The following B3GALT1 variants were observed in gnomAD, a reference collection of about 807,000 sequenced individuals.
The protein encoded by B3GALT1 is UDP-Gal:betaGlcNAc beta 1,3-galactosyltransferase, polypeptide 1.
A neutral mutation model predicts 23.2 loss-of-function variants in B3GALT1; 10 were observed. That is an observed-to-expected ratio of 0.43 (90% CI 0.27 to 0.73). The LOEUF (loss-of-function observed/expected upper bound fraction) is 0.73. B3GALT1 is among the 30% of genes least tolerant of loss of function. The pLI, the probability that B3GALT1 is intolerant of heterozygous loss-of-function variation, is 0.21. For synonymous variants in B3GALT1, 156 were observed against 141.5 expected (o/e 1.10, Z -0.73); for missense variants, 299 against 405.4 (o/e 0.74, Z 2.25).
chr2:167,838,774 C>T (rs1689555921), intron 4 of B3GALT1, among the ~76,000 whole-genome samples: 1 of 152,220 alleles, frequency 6.6e-6, no homozygotes, highest in Admixed American at 6.5e-5. Context: ...TGCAAAAATC[C>T]TCAATAAAAT....
At chr2:167,469,767 A>G (rs1426659235) in intron 1 of B3GALT1, among the ~76,000 whole-genome samples, 2 of 152,186 alleles carry the variant, frequency 1.3e-5, no homozygotes, top group African/African-American at 2.4e-5. Flanking sequence ...ATTATCATTC[A>G]TGTCTTTAGG....
At chr2:167,444,522 T>C (rs928697062) in intron 1 of B3GALT1, among the ~76,000 whole-genome samples, 1 of 152,220 alleles carries the variant, frequency 6.6e-6, no homozygotes, top group Admixed American at 6.5e-5. Flanking sequence ...TGGTAGACTA[T>C]TAATTATTGC....
At chr2:167,834,245 C>T (rs1689411836) in intron 4 of B3GALT1, among the ~76,000 whole-genome samples, 1 of 152,132 alleles carries the variant, frequency 6.6e-6, no homozygotes, top group African/African-American at 2.4e-5. Flanking sequence ...ATGTAACAGT[C>T]TTCTGTATAA....
intron 2 of B3GALT1, among the ~76,000 whole-genome samples, chr2:167,640,733 G>A (rs1685638231): frequency 6.6e-6 from 1 of 152,040 alleles, no homozygotes. Flanking sequence ...GAAAATTCTT[G>A]ACTTCTGGCT....
chr2:167,646,616 C>A (rs918373837), intron 2 of B3GALT1, among the ~76,000 whole-genome samples: 1 of 152,154 alleles, frequency 6.6e-6, no homozygotes, highest in Admixed American at 6.5e-5. Context: ...TGTAAAAATG[C>A]ATCTAGCAAA....
At chr2:167,551,839 G>C (rs1683753520) in intron 2 of B3GALT1, among the ~76,000 whole-genome samples, 1 of 152,126 alleles carries the variant, frequency 6.6e-6, no homozygotes, top group Non-Finnish European at 1.5e-5. Flanking sequence ...GTGGCACTAT[G>C]TCTCCCCTGT....
At chr2:167,443,420 C>T (rs560596130) in intron 1 of B3GALT1, among the ~76,000 whole-genome samples, 15 of 152,190 alleles carry the variant, frequency 9.9e-5, no homozygotes, top group East Asian at 1.9e-4. Context: ...AGAAAGTCAT[C>T]GGAAGCTTGA....
At chr2:167,471,469 A>G (rs913523405) in intron 1 of B3GALT1, among the ~76,000 whole-genome samples, 3 of 152,194 alleles carry the variant, frequency 2.0e-5, no homozygotes, top group African/African-American at 7.2e-5. Flanking sequence ...GAGCAGATGT[A>G]GAAACTGAGA....
At chr2:167,688,669 A>G (rs1686657376) in intron 3 of B3GALT1, among the ~76,000 whole-genome samples, 1 of 152,128 alleles carries the variant, frequency 6.6e-6, no homozygotes, top group East Asian at 1.9e-4. Flanking sequence ...ACTAATACAA[A>G]AAAAACTAAC....
intron 1 of B3GALT1, among the ~76,000 whole-genome samples, chr2:167,294,572 A>G (rs753401973): frequency 2.5e-4 from 38 of 152,236 alleles, no homozygotes; most frequent in Middle Eastern, 3.4e-3. Context: ...ATTGTTTTCT[A>G]TGTGGCTCCT....
chr2:167,827,818 C>T (rs1161518416), intron 4 of B3GALT1, among the ~76,000 whole-genome samples: 1 of 152,112 alleles, frequency 6.6e-6, no homozygotes, highest in African/African-American at 2.4e-5. Flanking sequence ...TGGCCACATC[C>T]CAGTGTGCTT....
intron 3 of B3GALT1, chr2:167,715,140 G>T (rs1574227352): frequency 5.6e-6 from 9 of 1,613,876 alleles, no homozygotes; most frequent in Non-Finnish European, 7.6e-6. Flanking sequence ...GCTCCTTTGG[G>T]AGGATCATCT....
intron 3 of B3GALT1, among the ~76,000 whole-genome samples, chr2:167,756,247 G>C (rs1212551441): frequency 1.3e-5 from 2 of 151,830 alleles, no homozygotes; most frequent in African/African-American, 4.8e-5. Context: ...ATATTCCAAA[G>C]GTTATGCGTT....
chr2:167,561,632 C>T (rs1228658), intron 2 of B3GALT1, among the ~76,000 whole-genome samples: 58,174 of 151,844 alleles, frequency 0.38, 12,243 homozygotes, highest in East Asian at 0.85. Flanking sequence ...ATATCACCAC[C>T]GATCCCACAG....
chr2:167,861,058 G>A (rs1690090381), intron 4 of B3GALT1, among the ~76,000 whole-genome samples: 1 of 152,144 alleles, frequency 6.6e-6, no homozygotes, highest in African/African-American at 2.4e-5. Flanking sequence ...GCAAAGTACA[G>A]ACAGTTCTCC....
intron 1 of B3GALT1, among the ~76,000 whole-genome samples, chr2:167,400,866 C>T (rs1043383509): frequency 1.3e-5 from 2 of 152,094 alleles, no homozygotes; most frequent in African/African-American, 4.8e-5. Flanking sequence ...AGACAGGAAA[C>T]AGAAACTGCA....
intron 3 of B3GALT1, among the ~76,000 whole-genome samples, chr2:167,781,447 C>T (rs145133369): frequency 6.6e-6 from 1 of 152,224 alleles, no homozygotes; most frequent in Non-Finnish European, 1.5e-5. Context: ...TTAAAGGCTG[C>T]CGGATGGGTG....
intron 2 of B3GALT1, among the ~76,000 whole-genome samples, chr2:167,545,242 A>G (rs4233814): frequency 2.0e-5 from 3 of 151,416 alleles, no homozygotes; most frequent in East Asian, 2.0e-4. Context: ...TCACTGTGTT[A>G]GCCAGGATGG....
intron 2 of B3GALT1, among the ~76,000 whole-genome samples, chr2:167,564,298 A>C (rs1211292618): frequency 1.4e-5 from 2 of 147,564 alleles, no homozygotes; most frequent in Admixed American, 1.3e-4. Context: ...CCCCTCCCAG[A>C]TGTGATGGCG....
Sources: allele counts gnomAD v4.1 joint callset (sites outside exome capture counted in the v4.1 genomes callset), GRCh38; gene constraint gnomAD v4.1.1; transcripts MANE v1.5; gene names NCBI Gene and HGNC (gene_info 2026-07-23, HGNC 2026-07-21).